Variants in PPP1R12B observed in about 807,000 individuals in gnomAD.
PPP1R12B encodes the protein myosin phosphatase target subunit 2.
A neutral mutation model predicts 126.1 loss-of-function variants in PPP1R12B; 76 were observed. The observed-to-expected ratio is 0.60, with a 90% CI of 0.50 to 0.73. PPP1R12B has a LOEUF of 0.73. Among genes scored for constraint, PPP1R12B ranks in the 30% least tolerant of loss-of-function variants. The probability of loss-of-function intolerance (pLI) is 0.00; values close to 1 mark genes in which losing one functional copy is unlikely to be tolerated. For missense variants in PPP1R12B, 1,052 were observed against 1,205.1 expected, an observed-to-expected ratio of 0.87 and a Z score of 1.88; for synonymous variants, 356 against 434.7, an observed-to-expected ratio of 0.82 and a Z score of 2.25.
intron 12 of PPP1R12B, among the ~76,000 whole-genome samples, chr1:202,446,256 A>ATATATATATATATTT (rs376183502): frequency 2.9e-4 from 16 of 54,338 alleles, no homozygotes; most frequent in Admixed American, 7.7e-4. Context: ...ATATATATAT[A>ATATATATATATATTT]TTTTTTTTTT....
At chr1:202,532,279 G>A (rs762496845) in intron 18 of PPP1R12B, among the ~76,000 whole-genome samples, 8 of 152,292 alleles carry the variant, frequency 5.3e-5, no homozygotes, top group Middle Eastern at 3.4e-3. Context: ...CTTGGTTTTG[G>A]TGGGTTTTGG....
chr1:202,413,108 A>G (rs1210189690), intron 1 of PPP1R12B, among the ~76,000 whole-genome samples: 1 of 151,946 alleles, frequency 6.6e-6, no homozygotes, highest in African/African-American at 2.4e-5. Context: ...AATACTGGCT[A>G]TAAAAGTCAG....
At chr1:202,356,057 T>C (rs1487471950) in intron 1 of PPP1R12B, among the ~76,000 whole-genome samples, 2 of 152,002 alleles carry the variant, frequency 1.3e-5, no homozygotes, top group Non-Finnish European at 2.9e-5. Flanking sequence ...GGTGCAAACA[T>C]GTGGTCCCAG....
At chr1:202,524,551 T>G (rs1464506803) in intron 18 of PPP1R12B, among the ~76,000 whole-genome samples, 1 of 152,152 alleles carries the variant, frequency 6.6e-6, no homozygotes, top group Non-Finnish European at 1.5e-5. Context: ...CCAAAGTCCA[T>G]TGTATCACTG....
chr1:202,468,599 A>G (rs921535344), intron 13 of PPP1R12B, among the ~76,000 whole-genome samples: 1 of 152,192 alleles, frequency 6.6e-6, no homozygotes, highest in African/African-American at 2.4e-5. Context: ...TCAGTACTTA[A>G]TATGTCCAGC....
intron 1 of PPP1R12B, among the ~76,000 whole-genome samples, chr1:202,374,476 C>G (rs1660816793): frequency 7.1e-6 from 1 of 141,200 alleles, no homozygotes; most frequent in African/African-American, 2.6e-5. Flanking sequence ...AATCCATCTG[C>G]TTTCATTTGT....
intron 23 of PPP1R12B, among the ~76,000 whole-genome samples, chr1:202,573,628 G>A (rs1002853335): frequency 6.6e-6 from 1 of 152,090 alleles, no homozygotes; most frequent in Non-Finnish European, 1.5e-5. Context: ...TCTCAGTTTC[G>A]GGGCAGTGCA....
intron 18 of PPP1R12B, among the ~76,000 whole-genome samples, chr1:202,520,146 A>G (rs1558326513): frequency 6.6e-6 from 1 of 152,246 alleles, no homozygotes; most frequent in Non-Finnish European, 1.5e-5. Context: ...CAAACTGTTA[A>G]GGTCACAGAA....
chr1:202,500,386 A>G (rs1031034732), intron 18 of PPP1R12B, among the ~76,000 whole-genome samples: 1 of 152,258 alleles, frequency 6.6e-6, no homozygotes, highest in Non-Finnish European at 1.5e-5. Context: ...GTATATGTAC[A>G]TAGTGGAATA....
intron 8 of PPP1R12B, among the ~76,000 whole-genome samples, chr1:202,433,550 A>G (rs1332048311): frequency 6.6e-6 from 1 of 152,156 alleles, no homozygotes; most frequent in African/African-American, 2.4e-5. Context: ...GACCTTTCCA[A>G]TGCTGTACAT....
rs140987886 is a variant in PPP1R12B, at chr1:202,378,484, T to G, written c.291+29342T>G. Among the ~76,000 whole-genome samples, 979 of 152,178 alleles carry G rather than the reference T, an allele frequency of 6.4e-3. 3 individuals carry two copies. The highest frequency in any genetic ancestry group is 8.8e-3 in the Admixed American group (135 of 15,286). On this transcript the variant is annotated intron_variant, in intron 1 of 23. Transcript: ENST00000608999. ...GCCTTATCATCCTTCTAATTCTTTT[T>G]TTGTTGTTGTTTTGGGACAGAGTCT...
chr1:202,401,361 ATTTTTTTTTTTTTTTT>A (rs34810265), intron 1 of PPP1R12B, among the ~76,000 whole-genome samples: 5 of 71,426 alleles, frequency 7.0e-5, no homozygotes, highest in Non-Finnish European at 9.9e-5. Context: ...GGCTAATTTA[ATTTTTTTTTTTTTTTT>A]TTTTTTTTTT....
In PPP1R12B at chr1:202,555,325, G is replaced by GA. The variant is rs56752885; in HGVS notation, c.2491-3524dup. ...AAAACCCTAATTTTCCTGTTTTAAT[G>GA]AAAAAAAAAAAAAAAAAAAAAAAAA... On this transcript the variant is annotated intron_variant, in intron 18 of 23. Coordinates refer to ENST00000608999, the MANE Select transcript of PPP1R12B (RefSeq NM_002481.4). Among the ~76,000 whole-genome samples, 198 of 25,354 alleles carry GA rather than the reference G, an allele frequency of 7.8e-3. 49 individuals carry two copies. Among genetic ancestry groups the GA allele is most frequent in the African/African-American group, 0.016 (100 of 6,248 alleles). The allele number at this position is 25,354 out of a possible 152,430, so 16.6% of individuals were successfully genotyped here. A position where few individuals can be genotyped will look rare whatever the true frequency, so the allele number is the denominator to read the frequency against.
chr1:202,351,922 T>C (rs1175688767), intron 1 of PPP1R12B, among the ~76,000 whole-genome samples: 1 of 152,208 alleles, frequency 6.6e-6, no homozygotes, highest in Non-Finnish European at 1.5e-5. Context: ...TGGCAGCCTT[T>C]GCTGAGACCA....
In PPP1R12B at chr1:202,425,697, G is replaced by A; in HGVS notation, c.673G>A (p.Ala225Thr). Residue 225 changes from alanine (A) to threonine (T), a missense_variant, in exon 4 of 24, where the codon GCT becomes ACT. Transcript: ENST00000608999. ...RSGATALHVAAAKGYSEVLRL... is the reference protein window; with the variant it reads ...RSGATALHVATAKGYSEVLRL... ...AGGGGCTACAGCCCTTCATGTGGCT[G>A]CTGCCAAGGGCTACTCTGAAGTCCT... 6.2e-7 allele frequency: 1 copy of A among 1,613,852 alleles called. No homozygotes were observed. Among genetic ancestry groups the A allele is most frequent in the Non-Finnish European group, 8.5e-7 (1 of 1,179,842 alleles).
intron 10 of PPP1R12B, chr1:202,438,424 C>A: frequency 4.2e-6 from 2 of 478,298 alleles, no homozygotes; most frequent in East Asian, 5.1e-5. Context: ...CCCTCTAAGC[C>A]CTCTGCCCCC....
At chr1:202,387,758 A>G (rs1410279494) in intron 1 of PPP1R12B, among the ~76,000 whole-genome samples, 1 of 152,196 alleles carries the variant, frequency 6.6e-6, no homozygotes, top group African/African-American at 2.4e-5. Context: ...CTACTGGGTG[A>G]GAAGGCAGTT....
chr1:202,507,684 C>A (rs1382782728), intron 18 of PPP1R12B, among the ~76,000 whole-genome samples: 1 of 152,158 alleles, frequency 6.6e-6, no homozygotes, highest in African/African-American at 2.4e-5. Context: ...ACTATGATGA[C>A]AATTTTATAA....
At chr1:202,396,800 A>T (rs1665049672) in intron 1 of PPP1R12B, among the ~76,000 whole-genome samples, 1 of 151,984 alleles carries the variant, frequency 6.6e-6, no homozygotes, top group Non-Finnish European at 1.5e-5. Context: ...TTTTGTAGAG[A>T]TGGGGTTTCA....
Sources: gnomAD v4.1 joint callset for allele counts (sites outside exome capture counted in the v4.1 genomes callset) on GRCh38, gnomAD v4.1.1 for gene constraint, MANE v1.5 for transcripts, NCBI Gene and HGNC (gene_info 2026-07-23, HGNC 2026-07-21) for gene names.